Variants in FKTN observed in about 807,000 individuals in gnomAD.
FKTN encodes fukutin.
Under a neutral mutation model 58.6 loss-of-function variants are expected in FKTN, and 47 were observed. The ratio of observed to expected loss-of-function variants is 0.80; its 90% CI spans 0.63 to 1.02. The LOEUF (loss-of-function observed/expected upper bound fraction) is 1.02, where lower values mean the gene tolerates loss of function less well. FKTN is among the 50% of genes least tolerant of loss of function. The pLI is 0.00. For missense variants in FKTN, 516 were observed against 537.3 expected (o/e 0.96, Z 0.39); for synonymous variants, 178 against 191.9 (o/e 0.93, Z 0.60).
Position 105,637,239 on chromosome 9 carries a change from A to T in FKTN, c.*1975A>T. ...ACATTTCTCCCCATTTCCAATTGGGACTCCCATTCTTTGCCAGGAGATCTT... is the reference window on the plus strand; with the variant it reads ...ACATTTCTCCCCATTTCCAATTGGGTCTCCCATTCTTTGCCAGGAGATCTT... On this transcript the variant is annotated 3_prime_UTR_variant, in exon 11 of 11. Coordinates refer to ENST00000357998, the MANE Select transcript of FKTN (RefSeq NM_001079802.2). 1.0e-6 allele frequency: 1 copy of T among 985,182 alleles called. No individual in the cohort carries two copies. The allele number at this position is 985,182 out of a possible 1,614,324, so 61.0% of individuals were successfully genotyped here.
At chr9:105,579,378 T>A (rs1842412667) in intron 3 of FKTN, among the ~76,000 whole-genome samples, 1 of 152,172 alleles carries the variant, frequency 6.6e-6, no homozygotes, top group African/African-American at 2.4e-5. Context: ...TTTGTTCTCG[T>A]TGGTTTCAAA....
At chr9:105,589,815 G>A (rs1423631831) in intron 3 of FKTN, among the ~76,000 whole-genome samples, 1 of 152,146 alleles carries the variant, frequency 6.6e-6, no homozygotes, top group East Asian at 1.9e-4. Flanking sequence ...AAGCATACTA[G>A]GTAGAAAACA....
In FKTN at chr9:105,639,436, G is replaced by C; in HGVS notation, c.*4172G>C. On this transcript the variant is annotated 3_prime_UTR_variant, in exon 11 of 11. Coordinates refer to ENST00000357998, the MANE Select transcript of FKTN (RefSeq NM_001079802.2). Reference sequence around the variant, plus strand: ...CTCAATTTCCACATTAGTGAACTGGGGAAATGATACATACTTCTAAGGGTT... The same window carrying C: ...CTCAATTTCCACATTAGTGAACTGGCGAAATGATACATACTTCTAAGGGTT... 1 of 590,542 alleles carries C rather than the reference G, an allele frequency of 1.7e-6. No individual in the cohort carries two copies. The highest frequency in any genetic ancestry group is 2.0e-5 in the African/African-American group (1 of 49,600). 36.6% of individuals were successfully genotyped at this position (590,542 alleles called of 1,614,324 possible). A position where few individuals can be genotyped will look rare whatever the true frequency, so the allele number is the denominator to read the frequency against.
intron 3 of FKTN, among the ~76,000 whole-genome samples, chr9:105,595,688 A>G (rs1826646191): frequency 6.6e-6 from 1 of 152,174 alleles, no homozygotes; most frequent in African/African-American, 2.4e-5. Flanking sequence ...GCACTATCCT[A>G]GGTGCTACTG....
intron 3 of FKTN, among the ~76,000 whole-genome samples, chr9:105,596,384 T>A (rs1826807313): frequency 6.6e-6 from 1 of 152,218 alleles, no homozygotes; most frequent in Non-Finnish European, 1.5e-5. Flanking sequence ...ATAACTTAAT[T>A]AACTTACTAC....
At chr9:105,562,663 T>G (rs1200137130) in intron 1 of FKTN, among the ~76,000 whole-genome samples, 4 of 152,248 alleles carry the variant, frequency 2.6e-5, no homozygotes, top group African/African-American at 9.6e-5. Flanking sequence ...CTATCATCCT[T>G]GCTTTAGGTT....
At chr9:105,595,821 G>C (rs1290262000) in intron 3 of FKTN, among the ~76,000 whole-genome samples, 1 of 152,108 alleles carries the variant, frequency 6.6e-6, no homozygotes, top group East Asian at 1.9e-4. Context: ...TCGTTCTTCA[G>C]CATCCTCCCA....
chr9:105,561,678 A>G (rs941282671), intron 1 of FKTN, among the ~76,000 whole-genome samples: 1 of 152,200 alleles, frequency 6.6e-6, no homozygotes, highest in Non-Finnish European at 1.5e-5. Flanking sequence ...TTTATCTTCA[A>G]GTAACAGCAT....
rs146257979 is a variant in FKTN at position 105,624,814 on chromosome 9, A to T, written c.1172+4753A>T. Among the ~76,000 whole-genome samples the T allele has an allele frequency of 7.0e-4, 106 of 152,098 alleles. 1 individual carries two copies. Among genetic ancestry groups the T allele is most frequent in the African/African-American group, 2.5e-3 (105 of 41,490 alleles). ...TTTGTTAGACACTTATTATATAGAG[A>T]CTTTTATATTTAAGCTTTATACAAG... On this transcript the variant is annotated intron_variant, in intron 10 of 10. Coordinates refer to ENST00000357998, the MANE Select transcript of FKTN (RefSeq NM_001079802.2).
At chr9:105,617,576 C>T (rs1050284727) in intron 8 of FKTN, among the ~76,000 whole-genome samples, 1 of 152,098 alleles carries the variant, frequency 6.6e-6, no homozygotes, top group African/African-American at 2.4e-5. Flanking sequence ...ATGGTTTATT[C>T]AGAAACTAAA....
At chr9:105,591,760 C>G (rs1329480938) in intron 3 of FKTN, among the ~76,000 whole-genome samples, 2 of 152,250 alleles carry the variant, frequency 1.3e-5, no homozygotes, top group Admixed American at 6.5e-5. Flanking sequence ...CCCTGCATTT[C>G]CCTTCCACAC....
At chr9:105,609,863 C>A (rs999813989) in intron 7 of FKTN, among the ~76,000 whole-genome samples, 2 of 152,174 alleles carry the variant, frequency 1.3e-5, no homozygotes, top group African/African-American at 4.8e-5. Flanking sequence ...ATCTTTACCA[C>A]TATGAAGTTT....
Position 105,617,441 on chromosome 9 carries a change from G to A in FKTN, c.911-518G>A, listed in dbSNP as rs1831023820. Among the ~76,000 whole-genome samples, 5 of 152,072 alleles carry A rather than the reference G, an allele frequency of 3.3e-5. 1 individual carries two copies. The South Asian group carries it at 1.0e-3, about 32-fold the overall frequency. On this transcript the variant is annotated intron_variant, in intron 8 of 10. Transcript: ENST00000357998. ...GAGCTGTTAGGTTCTACAAATTATTGCTCAAGAAAAATATATTGGTTAAGC... is the reference window on the plus strand; with the variant it reads ...GAGCTGTTAGGTTCTACAAATTATTACTCAAGAAAAATATATTGGTTAAGC...
chr9:105,624,656 A>G (rs1031392603), intron 10 of FKTN, among the ~76,000 whole-genome samples: 3 of 151,048 alleles, frequency 2.0e-5, no homozygotes, highest in African/African-American at 7.3e-5. Flanking sequence ...AAGAATCATT[A>G]CTTTTCTCTT....
intron 7 of FKTN, among the ~76,000 whole-genome samples, chr9:105,611,711 G>A (rs1330542445): frequency 1.3e-5 from 2 of 152,116 alleles, no homozygotes. Context: ...ATTCCATGGT[G>A]TATATATACT....
chr9:105,576,422 G>A (rs1339102659), intron 3 of FKTN, among the ~76,000 whole-genome samples: 3 of 151,568 alleles, frequency 2.0e-5, no homozygotes, highest in African/African-American at 4.9e-5. Context: ...GCGGTGTTTG[G>A]TTTTTTGTTC....
chr9:105,585,540 A>G (rs1843751907), intron 3 of FKTN, among the ~76,000 whole-genome samples: 1 of 152,218 alleles, frequency 6.6e-6, no homozygotes, highest in African/African-American at 2.4e-5. Context: ...AAAATTTTGA[A>G]GCTTTTGGGT....
intron 8 of FKTN, among the ~76,000 whole-genome samples, chr9:105,616,294 A>G (rs1830794136): frequency 6.6e-6 from 1 of 151,892 alleles, no homozygotes; most frequent in Admixed American, 6.6e-5. Context: ...ATTATAAAAA[A>G]CCCTCTATTT....
At chr9:105,606,797 T>G (rs906322369) in intron 6 of FKTN, among the ~76,000 whole-genome samples, 1 of 151,598 alleles carries the variant, frequency 6.6e-6, no homozygotes, top group Non-Finnish European at 1.5e-5. Context: ...TATTCGAAAC[T>G]GAAGTCTTCT....
Sources: allele counts gnomAD v4.1 joint callset (sites outside exome capture counted in the v4.1 genomes callset), GRCh38; gene constraint gnomAD v4.1.1; transcripts MANE v1.5; gene names NCBI Gene and HGNC (gene_info 2026-07-23, HGNC 2026-07-21).